FMN2: variants seen among roughly 807,000 people sequenced by gnomAD.
FMN2 encodes the protein formin-2.
A neutral mutation model predicts 142.3 loss-of-function variants in FMN2; 51 were observed. The observed-to-expected ratio is 0.36, with a 90% CI of 0.29 to 0.45. FMN2 has a LOEUF of 0.45. Among genes scored for constraint, FMN2 ranks in the 20% least tolerant of loss-of-function variants. The pLI is 1.00. For missense variants in FMN2, 1,936 were observed against 2,122.8 expected, an observed-to-expected ratio of 0.91 and a Z score of 1.73; for synonymous variants, 882 against 869.8, an observed-to-expected ratio of 1.01 and a Z score of -0.25.
At chr1:240,446,610 G>A (rs1466699951) in intron 16 of FMN2, among the ~76,000 whole-genome samples, 2 of 152,302 alleles carry the variant, frequency 1.3e-5, no homozygotes, top group African/African-American at 4.8e-5. Flanking sequence ...CAAGCTAGAT[G>A]ACGTTATTTT....
rs761713019 is a variant in FMN2, at chr1:240,092,838, C to T, written c.729C>T (p.Pro243=). 1.9e-6 allele frequency: 3 copies of T among 1,558,568 alleles called. No individual in the cohort carries two copies. The highest frequency in any genetic ancestry group is 1.4e-5 in the African/African-American group (1 of 73,746). The change falls in exon 1 of 18, where the codon CCC becomes CCT. Residue 243 remains proline, a synonymous_variant. Coordinates refer to ENST00000319653, the MANE Select transcript of FMN2 (RefSeq NM_020066.5). The stretch of plus-strand genomic sequence containing the variant: ...CCCCCACTGCCGTCTCCCCTCAGCC[C>T]GGGGCCTTCCTGGGCCTGGACCGGT... ...AAPPTAVSPQ[P]GAFLGLDRFL...
intron 15 of FMN2, among the ~76,000 whole-genome samples, chr1:240,393,145 C>T (rs192782362): frequency 6.8e-6 from 1 of 147,084 alleles, no homozygotes; most frequent in East Asian, 2.1e-4. Flanking sequence ...TTGCACTTCT[C>T]TTTGCTGTGC....
At chr1:240,182,252 G>A (rs941325397) in intron 3 of FMN2, among the ~76,000 whole-genome samples, 2 of 152,198 alleles carry the variant, frequency 1.3e-5, no homozygotes, top group Non-Finnish European at 2.9e-5. Context: ...TGGAGCAGGA[G>A]CAAGGTGTGT....
At chr1:240,220,338 T>C (rs544382742) in intron 6 of FMN2, among the ~76,000 whole-genome samples, 2 of 152,262 alleles carry the variant, frequency 1.3e-5, no homozygotes, top group South Asian at 4.1e-4. Context: ...AAGAAGACCA[T>C]AGTTCTCTGT....
intron 15 of FMN2, among the ~76,000 whole-genome samples, chr1:240,412,767 T>C (rs1007104839): frequency 4.1e-4 from 63 of 152,038 alleles, no homozygotes; most frequent in African/African-American, 1.5e-3. Context: ...GGAAATGCAA[T>C]GCTTCCGGAG....
chr1:240,183,352 G>A (rs1205404916), intron 3 of FMN2, among the ~76,000 whole-genome samples: 2 of 150,318 alleles, frequency 1.3e-5, no homozygotes, highest in Non-Finnish European at 3.0e-5. Context: ...AAAATGTACT[G>A]GAATAGACTG....
intron 7 of FMN2, among the ~76,000 whole-genome samples, chr1:240,277,138 C>T (rs572964694): frequency 9.2e-5 from 14 of 152,120 alleles, no homozygotes; most frequent in East Asian, 5.8e-4. Context: ...ATTTAATAAA[C>T]GTAAAATACT....
intron 4 of FMN2, among the ~76,000 whole-genome samples, chr1:240,203,832 AAAG>A (rs1666223231): frequency 6.6e-6 from 1 of 151,960 alleles, no homozygotes; most frequent in Non-Finnish European, 1.5e-5. Context: ...AATAATAAAA[AAAG>A]GTTATTTTTT....
chr1:240,259,412 C>T (rs1668549504), intron 7 of FMN2, among the ~76,000 whole-genome samples: 1 of 151,352 alleles, frequency 6.6e-6, no homozygotes, highest in African/African-American at 2.4e-5. Context: ...GTTGAAGGGT[C>T]ATACAGAATC....
chr1:240,397,431 G>C (rs1038333251), intron 15 of FMN2, among the ~76,000 whole-genome samples: 1 of 152,112 alleles, frequency 6.6e-6, no homozygotes, highest in Non-Finnish European at 1.5e-5. Context: ...AGGAAACCCA[G>C]CATGTTTTAA....
chr1:240,269,934 G>T (rs1668941275), intron 7 of FMN2, among the ~76,000 whole-genome samples: 1 of 151,902 alleles, frequency 6.6e-6, no homozygotes, highest in Admixed American at 6.6e-5. Flanking sequence ...TTTTGATAGA[G>T]TCTGTAGGAT....
At chr1:240,432,004 A>G (rs1675195838) in intron 15 of FMN2, among the ~76,000 whole-genome samples, 1 of 151,886 alleles carries the variant, frequency 6.6e-6, no homozygotes, top group Non-Finnish European at 1.5e-5. Flanking sequence ...TGAGTTGGGA[A>G]GTATACCCTC....
chr1:240,153,642 G>A (rs1273869034), intron 2 of FMN2, among the ~76,000 whole-genome samples: 1 of 152,062 alleles, frequency 6.6e-6, no homozygotes, highest in Non-Finnish European at 1.5e-5. Flanking sequence ...GGGATTACAA[G>A]TGTGAGCCAC....
intron 1 of FMN2, among the ~76,000 whole-genome samples, chr1:240,101,316 A>G (rs969127950): frequency 2.6e-5 from 4 of 152,118 alleles, no homozygotes; most frequent in Non-Finnish European, 2.9e-5. Context: ...GTGTATTTAG[A>G]GCTTTCCTTT....
chr1:240,192,685 C>A (rs1665746866), intron 4 of FMN2, among the ~76,000 whole-genome samples: 1 of 152,094 alleles, frequency 6.6e-6, no homozygotes, highest in African/African-American at 2.4e-5. Flanking sequence ...AATAGTTTAA[C>A]CACTAAATAC....
At chr1:240,249,543 CTTTG>C (rs1367686787) in intron 6 of FMN2, among the ~76,000 whole-genome samples, 1 of 151,944 alleles carries the variant, frequency 6.6e-6, no homozygotes, top group Non-Finnish European at 1.5e-5. Flanking sequence ...ATACCTCCAG[CTTTG>C]TTTGTTTATT....
chr1:240,161,307 G>A (rs917274809), intron 2 of FMN2, among the ~76,000 whole-genome samples: 19 of 151,972 alleles, frequency 1.3e-4, no homozygotes, highest in Admixed American at 2.6e-4. Context: ...CGAGGCAGGC[G>A]GAATACGAGG....
chr1:240,211,492 A>T (rs867832468), intron 6 of FMN2, among the ~76,000 whole-genome samples: 2 of 152,186 alleles, frequency 1.3e-5, no homozygotes, highest in Admixed American at 1.3e-4. Context: ...AATATCCGCC[A>T]TTGTTTCTTT....
intron 5 of FMN2, among the ~76,000 whole-genome samples, chr1:240,209,247 CCT>C (rs1666579389): frequency 1.2e-5 from 1 of 83,512 alleles, no homozygotes; most frequent in African/African-American, 6.5e-5. Context: ...ATTCTTAAAT[CCT>C]TTTTTTTTTT....
Sources: allele counts gnomAD v4.1 joint callset (sites outside exome capture counted in the v4.1 genomes callset), GRCh38; gene constraint gnomAD v4.1.1; transcripts MANE v1.5; gene names NCBI Gene and HGNC (gene_info 2026-07-23, HGNC 2026-07-21).